NOD1: variants seen among roughly 807,000 people sequenced by gnomAD.
NOD1 encodes the protein nucleotide-binding oligomerization domain-containing protein 1.
In NOD1, 70 loss-of-function variants were observed where a neutral mutation model predicts 81.2. That is an observed-to-expected ratio of 0.86 (90% confidence interval 0.71 to 1.05). The LOEUF (loss-of-function observed/expected upper bound fraction) is 1.05. Among genes scored for constraint, NOD1 ranks in the 50% least tolerant of loss-of-function variants. NOD1 has a pLI of 0.00. For missense variants in NOD1, 1,233 were observed against 1,228.0 expected, an observed-to-expected ratio of 1.00 and a Z score of -0.06; for synonymous variants, 508 against 526.9, an observed-to-expected ratio of 0.96 and a Z score of 0.49.
In NOD1 at chr7:30,474,574, C is replaced by T. The variant is rs548598539; in HGVS notation, c.-352+4032G>A. Among the ~76,000 whole-genome samples the T allele has an allele frequency of 2.8e-3, 424 of 152,374 alleles. 1 individual carries two copies. The highest frequency in any genetic ancestry group is 4.8e-3 in the Non-Finnish European group (325 of 68,024). Reference sequence around the variant, plus strand: ...AGGAATGTGCAGCCTAGATCCCTCGCGTGTGCGGTTCACCATAGGGTTCCC... The same window carrying T: ...AGGAATGTGCAGCCTAGATCCCTCGTGTGTGCGGTTCACCATAGGGTTCCC... On this transcript the variant is annotated intron_variant, in intron 1 of 13. Transcript: ENST00000222823.
At chr7:30,459,494 ACT>A (rs1786781614) in intron 2 of NOD1, among the ~76,000 whole-genome samples, 1 of 152,152 alleles carries the variant, frequency 6.6e-6, no homozygotes, top group African/African-American at 2.4e-5. Context: ...AGTTTTGAAA[ACT>A]CTAATAATTT....
At chr7:30,466,295 A>G (rs948514595) in intron 1 of NOD1, among the ~76,000 whole-genome samples, 2 of 152,144 alleles carry the variant, frequency 1.3e-5, no homozygotes, top group Admixed American at 6.5e-5. Context: ...ATGAAACATG[A>G]GCAGAAACAG....
intron 3 of NOD1, among the ~76,000 whole-genome samples, chr7:30,458,740 CTTTTT>C (rs11430536): frequency 1.4e-5 from 2 of 139,726 alleles, no homozygotes; most frequent in East Asian, 4.1e-4. Context: ...CCAGCCTTTT[CTTTTT>C]TTTTTTTTTT....
In NOD1 at chr7:30,478,005, T is replaced by C. The variant is rs954760522; in HGVS notation, c.-352+601A>G. Among the ~76,000 whole-genome samples the C allele has an allele frequency of 6.6e-6, 1 of 152,176 alleles. No homozygotes were observed. Among genetic ancestry groups the C allele is most frequent in the African/African-American group, 2.4e-5 (1 of 41,436 alleles). On this transcript the variant is annotated intron_variant, in intron 1 of 13. Coordinates refer to ENST00000222823, the MANE Select transcript of NOD1 (RefSeq NM_006092.4). This position sits in a 1 kb window ranked among gnomAD's most constrained non-coding sequence, Gnocchi z 4.1. ...AATGTGCCAAAACAACTGCACACAT[T>C]GGAGGCGTTTTTGAATGTGATATTC...
Position 30,452,062 on chromosome 7 carries a change from G to T in NOD1, c.1355C>A (p.Thr452Asn), listed in dbSNP as rs749671272. ...CAGAGTGTCCCGGCCGGCGTGGAGG[G>T]TCTCCACTGGGCTGCGTGTGTTCCG... ...VQRNTRSPVE[T>N]LHAGRDTLCS... The change falls in exon 6 of 14, where the codon ACC (threonine) becomes AAC (asparagine). Residue 452 changes from threonine (T) to asparagine (N), a missense_variant. Coordinates refer to ENST00000222823, the MANE Select transcript of NOD1 (RefSeq NM_006092.4). The T allele has an allele frequency of 1.2e-6, 2 of 1,613,610 alleles. No homozygotes were observed. Among genetic ancestry groups the T allele is most frequent in the Non-Finnish European group, 1.7e-6 (2 of 1,180,004 alleles).
rs1449522225 is a variant in NOD1 at position 30,467,355 on chromosome 7, T to C, written c.-351-7314A>G. 6.6e-6 allele frequency among the ~76,000 whole-genome samples: 1 copy of C among 152,090 alleles called. No individual in the cohort carries two copies. Among genetic ancestry groups the C allele is most frequent in the East Asian group, 1.9e-4 (1 of 5,170 alleles). The stretch of plus-strand genomic sequence containing the variant: ...CTTTTATTCGTAATGTTTTTTTTTT[T>C]ATAAGAAGGCTATACACTTGCATGA... On this transcript the variant is annotated intron_variant, in intron 1 of 13. Transcript: ENST00000222823. The surrounding 1 kb of genome is among the most constrained non-coding windows in gnomAD (Gnocchi z 4.5).
chr7:30,437,617 G>A lies in NOD1; in HGVS notation c.2493C>T (p.Ala831=). 2.6e-6 allele frequency: 4 copies of A among 1,511,808 alleles called. No individual in the cohort carries two copies. The highest frequency in any genetic ancestry group is 1.3e-5 in the South Asian group (1 of 74,084). 93.6% of individuals were successfully genotyped at this position (1,511,808 alleles called of 1,614,324 possible). The stretch of plus-strand genomic sequence containing the variant: ...GGTGGTTCCGCAGAGCCTCTGCGAA[G>A]GCTTTTGCTCCTTCATCCCCAACTT... The part of the protein sequence containing the change: ...GNQVGDEGAK[A]FAEALRNHPS... Residue 831 remains alanine, a synonymous_variant, in exon 10 of 14, where the codon GCC becomes GCT. Coordinates refer to ENST00000222823, the MANE Select transcript of NOD1 (RefSeq NM_006092.4).
chr7:30,446,839 C>T, intron 8 of NOD1, 128 bp downstream of exon 8: 1 of 741,130 alleles, frequency 1.3e-6, no homozygotes, highest in Non-Finnish European at 2.3e-6. Context: ...CTTTACTTGA[C>T]CAACATGGCC....
chr7:30,477,512 TTTTGTTTG>T (rs551344170), intron 1 of NOD1, among the ~76,000 whole-genome samples: 48 of 152,132 alleles, frequency 3.2e-4, no homozygotes, highest in African/African-American at 1.1e-3. Context: ...TTTTTTTGTT[TTTTGTTTG>T]TTTGTTTGTT....
At chr7:30,428,762 G>T (rs5743367) in intron 13 of NOD1, among the ~76,000 whole-genome samples, 3 of 151,912 alleles carry the variant, frequency 2.0e-5, no homozygotes, top group Non-Finnish European at 4.4e-5. Context: ...CCAGTCCCAC[G>T]TCACCCAGGC....
At chr7:30,458,500 C>A (rs1485998587) in intron 3 of NOD1, among the ~76,000 whole-genome samples, 11 of 152,076 alleles carry the variant, frequency 7.2e-5, no homozygotes, top group Non-Finnish European at 1.3e-4. Context: ...TTTTTTCCAC[C>A]AAGTGGCACA....
intron 13 of NOD1, 48 bp from the exon 14 acceptor site, chr7:30,425,758 T>C (rs5743371): frequency 0.051 from 65,031 of 1,286,870 alleles, 4,309 homozygotes; most frequent in African/African-American, 0.31. Flanking sequence ...ATGTTAAGGA[T>C]CCTCGCACAC....
rs2128051835 is a variant in NOD1 at position 30,451,641 on chromosome 7, C to T, written c.1776G>A (p.Leu592=). The stretch of plus-strand genomic sequence containing the variant: ...GTTTGGCTTTGGACAACAGCCCGCA[C>T]AGGAAGAGGTTGGTGAACTGGAAGT... The part of the protein sequence containing the change: ...KDHFQFTNLF[L]CGLLSKAKQK... The change falls in exon 6 of 14, where the codon CTG becomes CTA. Residue 592 remains leucine (L), a synonymous_variant. Transcript: ENST00000222823. This position sits in a 1 kb window ranked among gnomAD's most constrained non-coding sequence, Gnocchi z 4.2. 6.2e-7 allele frequency: 1 copy of T among 1,613,950 alleles called. No individual in the cohort carries two copies. Among genetic ancestry groups the T allele is most frequent in the Non-Finnish European group, 8.5e-7 (1 of 1,180,036 alleles).
chr7:30,471,638 C>G (rs41524946), intron 1 of NOD1, among the ~76,000 whole-genome samples: 23,447 of 152,252 alleles, frequency 0.15, 2,062 homozygotes, highest in Admixed American at 0.23. Context: ...TTCTGGGCAA[C>G]AGCTAGGCGG....
At chr7:30,470,290 T>A (rs1788137874) in intron 1 of NOD1, among the ~76,000 whole-genome samples, 1 of 152,244 alleles carries the variant, frequency 6.6e-6, no homozygotes, top group Non-Finnish European at 1.5e-5. Flanking sequence ...GGTCACATAG[T>A]AAGCACCGGC....
intron 13 of NOD1, among the ~76,000 whole-genome samples, chr7:30,426,600 C>A (rs1783478059): frequency 6.6e-6 from 1 of 152,056 alleles, no homozygotes; most frequent in African/African-American, 2.4e-5. Context: ...CAGATCTGAT[C>A]ACATGCCTCT....
rs760638726 is a variant in NOD1, at chr7:30,460,013, C to G, written c.-323G>C. On this transcript the variant is annotated 5_prime_UTR_variant, in exon 2 of 14. Transcript: ENST00000222823. ...ACCTCTTGCCATCAAAGGCAGAAACCGAAGGAAAGTCTCCTGACTTACAAT... is the reference window on the plus strand; with the variant it reads ...ACCTCTTGCCATCAAAGGCAGAAACGGAAGGAAAGTCTCCTGACTTACAAT... 1.9e-5 allele frequency: 3 copies of G among 156,196 alleles called. No individual in the cohort carries two copies. The highest frequency in any genetic ancestry group is 6.5e-5 in the Admixed American group (1 of 15,286). 9.7% of individuals were successfully genotyped at this position (156,196 alleles called of 1,614,324 possible).
rs1192952158 is a variant in NOD1, at chr7:30,459,883, G to C, written c.-211+18C>G. ...CCCGACCTTTGCCCGCCTACCACGA[G>C]GGGCCCGTTTTACTCACTGCTTCTG... On this transcript the variant is annotated intron_variant, in intron 2 of 13. Coordinates refer to ENST00000222823, the MANE Select transcript of NOD1 (RefSeq NM_006092.4). 1.3e-5 allele frequency: 2 copies of C among 152,658 alleles called. No homozygotes were observed. The highest frequency in any genetic ancestry group is 4.8e-5 in the African/African-American group (2 of 41,446). 9.5% of individuals were successfully genotyped at this position (152,658 alleles called of 1,614,324 possible). A position where few individuals can be genotyped will look rare whatever the true frequency, so the allele number is the denominator to read the frequency against.
chr7:30,429,054 C>T (rs1475483518), intron 13 of NOD1, among the ~76,000 whole-genome samples: 3 of 152,166 alleles, frequency 2.0e-5, no homozygotes, highest in African/African-American at 7.2e-5. Context: ...GATTTACTTC[C>T]ACTAGGAAAT....
Sources: gnomAD v4.1 joint callset for allele counts (sites outside exome capture counted in the v4.1 genomes callset) on GRCh38, gnomAD v4.1.1 for gene constraint, Gnocchi (gnomAD v3.1) non-coding constraint, MANE v1.5 for transcripts, NCBI Gene and HGNC (gene_info 2026-07-23, HGNC 2026-07-21) for gene names.